Variants in SLC25A21 observed in about 807,000 individuals in gnomAD.
SLC25A21 encodes the protein mitochondrial 2-oxodicarboxylate carrier.
Under a neutral mutation model 43.8 loss-of-function variants are expected in SLC25A21, and 47 were observed. The observed-to-expected ratio is 1.07, with a 90% CI of 0.85 to 1.37. The LOEUF (loss-of-function observed/expected upper bound fraction) is 1.37. Ranked by LOEUF, SLC25A21 falls within the 40% of genes most tolerant of loss-of-function variation. The pLI is 0.00. For missense variants in SLC25A21, 352 were observed against 350.2 expected, an observed-to-expected ratio of 1.00 and a Z score of -0.04; for synonymous variants, 131 against 121.3, an observed-to-expected ratio of 1.08 and a Z score of -0.52.
At chr14:36,721,270 A>G (rs151132898) in intron 6 of SLC25A21, among the ~76,000 whole-genome samples, 2 of 152,358 alleles carry the variant, frequency 1.3e-5, no homozygotes, top group East Asian at 3.9e-4. Flanking sequence ...AGCTTTATAT[A>G]GTCTCACTTA....
intron 1 of SLC25A21, among the ~76,000 whole-genome samples, chr14:37,082,719 CT>C (rs1438790437): frequency 6.6e-6 from 1 of 152,196 alleles, no homozygotes; most frequent in East Asian, 1.9e-4. Flanking sequence ...CAGATGGCCA[CT>C]GGACAAAAGA....
chr14:36,941,372 GACTTTT>G (rs1892553136), intron 1 of SLC25A21, among the ~76,000 whole-genome samples: 1 of 151,956 alleles, frequency 6.6e-6, no homozygotes, highest in Non-Finnish European at 1.5e-5. Context: ...CTTACACATT[GACTTTT>G]TTAAATATAG....
chr14:36,738,364 C>T (rs1885126405), intron 3 of SLC25A21, among the ~76,000 whole-genome samples: 1 of 152,100 alleles, frequency 6.6e-6, no homozygotes, highest in African/African-American at 2.4e-5. Context: ...ATGCACTGTC[C>T]ATTCTGCCTT....
intron 1 of SLC25A21, among the ~76,000 whole-genome samples, chr14:37,100,463 T>C (rs1046920350): frequency 1.3e-5 from 2 of 152,192 alleles, no homozygotes; most frequent in Non-Finnish European, 2.9e-5. Flanking sequence ...TTCTCATTCA[T>C]CTAGATCATC....
chr14:36,873,794 A>G (rs1890442300), intron 2 of SLC25A21, among the ~76,000 whole-genome samples: 1 of 152,106 alleles, frequency 6.6e-6, no homozygotes, highest in Non-Finnish European at 1.5e-5. Flanking sequence ...GCTTTATAAG[A>G]AGAGGAAGAG....
chr14:36,707,282 T>TAA (rs1300894931), intron 7 of SLC25A21, among the ~76,000 whole-genome samples: 1 of 152,162 alleles, frequency 6.6e-6, no homozygotes, highest in East Asian at 1.9e-4. Flanking sequence ...CTCCTAAATG[T>TAA]GAGTTTGTTT....
At chr14:36,680,876 T>C (rs1445251724) in intron 9 of SLC25A21, among the ~76,000 whole-genome samples, 157 bp from the exon 10 acceptor site, 2 of 152,226 alleles carry the variant, frequency 1.3e-5, no homozygotes, top group African/African-American at 4.8e-5. Context: ...TATAAACTAC[T>C]GTGGAAAATT....
At chr14:37,034,582 G>A (rs1961287482) in intron 1 of SLC25A21, among the ~76,000 whole-genome samples, 1 of 152,158 alleles carries the variant, frequency 6.6e-6, no homozygotes, top group African/African-American at 2.4e-5. Flanking sequence ...AGTGATTAAT[G>A]GCAGTGGGCC....
chr14:36,822,553 C>T (rs1402102141), intron 2 of SLC25A21, among the ~76,000 whole-genome samples: 1 of 152,170 alleles, frequency 6.6e-6, no homozygotes, highest in Non-Finnish European at 1.5e-5. Flanking sequence ...TATTATAAAA[C>T]AGTTTATAAT....
intron 1 of SLC25A21, among the ~76,000 whole-genome samples, chr14:37,109,190 T>C (rs1302655033): frequency 1.3e-5 from 2 of 152,114 alleles, no homozygotes; most frequent in African/African-American, 2.4e-5. Flanking sequence ...TACTACATCA[T>C]GTGAATGGAA....
intron 3 of SLC25A21, among the ~76,000 whole-genome samples, chr14:36,777,041 C>T (rs1474155301): frequency 5.3e-5 from 8 of 152,098 alleles, no homozygotes; most frequent in Admixed American, 4.6e-4. Context: ...GGGCGGATCA[C>T]GAGGTCAGGA....
intron 1 of SLC25A21, among the ~76,000 whole-genome samples, chr14:36,890,943 T>G (rs956398328): frequency 3.3e-5 from 5 of 152,140 alleles, no homozygotes; most frequent in Non-Finnish European, 7.4e-5. Flanking sequence ...ATAAAACAAG[T>G]GTACAAATAC....
intron 5 of SLC25A21, 108 bp downstream of exon 5, chr14:36,729,399 G>A (rs1489251328): frequency 1.2e-5 from 10 of 840,464 alleles, no homozygotes; most frequent in African/African-American, 7.1e-5. Context: ...TGAATAACTC[G>A]AATTCATATT....
intron 2 of SLC25A21, among the ~76,000 whole-genome samples, chr14:36,848,289 G>A (rs1889612090): frequency 1.3e-5 from 2 of 152,174 alleles, no homozygotes. Flanking sequence ...ACTTTCCAAT[G>A]GGACAGGCAA....
chr14:36,897,654 A>C (rs573931587), intron 1 of SLC25A21, among the ~76,000 whole-genome samples: 53 of 151,920 alleles, frequency 3.5e-4, no homozygotes, highest in African/African-American at 1.2e-3. Context: ...GTTTTTCCCC[A>C]TTTTGTGGTT....
intron 1 of SLC25A21, among the ~76,000 whole-genome samples, chr14:37,070,678 A>G (rs2138824766): frequency 6.6e-6 from 1 of 152,336 alleles, no homozygotes. Flanking sequence ...GCTGACCAGA[A>G]TTGCACATCA....
At chr14:37,153,381 T>C (rs569967098) in intron 1 of SLC25A21, among the ~76,000 whole-genome samples, 28 of 152,272 alleles carry the variant, frequency 1.8e-4, no homozygotes, top group Non-Finnish European at 3.1e-4. Context: ...CAGCCAGGGA[T>C]AAGAAGCAAG....
chr14:36,827,182 T>G (rs1024060774), intron 2 of SLC25A21, among the ~76,000 whole-genome samples: 4 of 152,214 alleles, frequency 2.6e-5, no homozygotes, highest in African/African-American at 9.6e-5. Context: ...GTCTGTTATT[T>G]AGACTTTCAT....
intron 1 of SLC25A21, among the ~76,000 whole-genome samples, chr14:36,889,122 C>G (rs1448694187): frequency 6.6e-6 from 1 of 152,158 alleles, no homozygotes; most frequent in African/African-American, 2.4e-5. Flanking sequence ...CTTACTGAGC[C>G]AAGTATTCCA....
Sources: allele counts gnomAD v4.1 joint callset (sites outside exome capture counted in the v4.1 genomes callset), GRCh38; gene constraint gnomAD v4.1.1; transcripts MANE v1.5; gene names NCBI Gene and HGNC (gene_info 2026-07-23, HGNC 2026-07-21).